POLR3G: variants seen among roughly 807,000 people sequenced by gnomAD.
The protein encoded by POLR3G is RNA polymerase III subunit G.
A neutral mutation model predicts 30.1 loss-of-function variants in POLR3G; 28 were observed. That is an observed-to-expected ratio of 0.93 (90% confidence interval 0.69 to 1.27). The LOEUF is 1.27. Ranked by LOEUF, POLR3G falls within the 50% of genes most tolerant of loss-of-function variation. The pLI, the probability that POLR3G is intolerant of heterozygous loss-of-function variation, is 0.00. For missense variants in POLR3G, 254 were observed against 264.6 expected (o/e 0.96, Z 0.28); for synonymous variants, 79 against 82.5 (o/e 0.96, Z 0.23).
At position 90,487,990 on chromosome 5, in the gene POLR3G, A is replaced by T. The variant is rs201272677; in HGVS notation, c.118-10A>T. On this transcript the variant is annotated splice_polypyrimidine_tract_variant and intron_variant, in intron 2 of 7. Transcript: ENST00000651687. The stretch of plus-strand genomic sequence containing the variant: ...ATTTGAAAAAAATCTTTGTCTCTTA[A>T]TTTAAACAGGATACAGATTATAAAC... 2.2e-4 allele frequency: 332 copies of T among 1,534,350 alleles called. 2 individuals are homozygous for T. The East Asian group carries it at 5.4e-3, about 25-fold the overall frequency.
At chr5:90,496,614 A>G (rs1051704967) in intron 4 of POLR3G, among the ~76,000 whole-genome samples, 1 of 152,236 alleles carries the variant, frequency 6.6e-6, no homozygotes, top group Non-Finnish European at 1.5e-5. Context: ...AAATAAAAAC[A>G]GTTGTCATAG....
intron 5 of POLR3G, 53 bp from the exon 6 acceptor site, chr5:90,501,853 T>C: frequency 6.3e-7 from 1 of 1,596,892 alleles, no homozygotes; most frequent in African/African-American, 1.4e-5. Context: ...CAAGGAAATA[T>C]AATACAGAGT....
At chr5:90,510,372 G>C (rs905270542) in intron 7 of POLR3G, among the ~76,000 whole-genome samples, 49 of 151,420 alleles carry the variant, frequency 3.2e-4, no homozygotes, top group African/African-American at 1.1e-3. Flanking sequence ...GAGTGAGACT[G>C]CGTCTCAAAG....
rs997914272 is a variant in POLR3G, at chr5:90,502,597, A to G, written c.438+609A>G. Among the ~76,000 whole-genome samples the G allele has an allele frequency of 6.6e-5, 10 of 152,100 alleles. 1 individual carries two copies. The highest frequency in any genetic ancestry group is 2.4e-4 in the African/African-American group (10 of 41,448). On this transcript the variant is annotated intron_variant, in intron 6 of 7. Transcript: ENST00000651687. ...AATTTTCCCTCCTATTCCTGTCCCT[A>G]GTCATCCAGTTCCCTTCCTATAGAC...
At chr5:90,503,791 TGTGA>T (rs1204193496) in intron 6 of POLR3G, among the ~76,000 whole-genome samples, 2 of 152,186 alleles carry the variant, frequency 1.3e-5, no homozygotes, top group Admixed American at 6.5e-5. Flanking sequence ...ATGATTAATG[TGTGA>T]GTAATTAGTG....
intron 1 of POLR3G, among the ~76,000 whole-genome samples, chr5:90,483,703 A>G (rs753929241): frequency 6.6e-6 from 1 of 152,096 alleles, no homozygotes; most frequent in African/African-American, 2.4e-5. Context: ...GGAGGCTGAG[A>G]CAGGAGAATT....
At chr5:90,478,569 C>CTTTTGTTTTTTTTTTTTTTTTTT (rs1750957772) in intron 1 of POLR3G, among the ~76,000 whole-genome samples, 1 of 79,334 alleles carries the variant, frequency 1.3e-5, no homozygotes, top group African/African-American at 5.1e-5. Flanking sequence ...CTGCGTGGTT[C>CTTTTGTTTTTTTTTTTTTTTTTT]TTTTTTTTTT....
At position 90,512,041 on chromosome 5, in the gene POLR3G, C is replaced by G; in HGVS notation, c.586-12C>G. Reference sequence around the variant, plus strand: ...TTTTAACGTTTACAAAGGAATATATCATTTCACTTAGGAAAATGACTACAT... The same window carrying G: ...TTTTAACGTTTACAAAGGAATATATGATTTCACTTAGGAAAATGACTACAT... On this transcript the variant is annotated splice_polypyrimidine_tract_variant and intron_variant, in intron 7 of 7. Coordinates refer to ENST00000651687, the MANE Select transcript of POLR3G (RefSeq NM_006467.3). The G allele has an allele frequency of 6.5e-7, 1 of 1,543,998 alleles. No homozygotes were observed. Among genetic ancestry groups the G allele is most frequent in the Non-Finnish European group, 9.0e-7 (1 of 1,116,940 alleles).
At chr5:90,480,893 C>T (rs1472292827) in intron 1 of POLR3G, among the ~76,000 whole-genome samples, 2 of 152,098 alleles carry the variant, frequency 1.3e-5, no homozygotes, top group East Asian at 3.8e-4. Flanking sequence ...TACGCTTTCT[C>T]TAGGCTCAGC....
intron 7 of POLR3G, among the ~76,000 whole-genome samples, chr5:90,508,730 T>A (rs1397787604): frequency 6.6e-6 from 1 of 152,148 alleles, no homozygotes; most frequent in Admixed American, 6.6e-5. Flanking sequence ...TCACTTAACT[T>A]TTTTGCAGCA....
chr5:90,476,281 T>C (rs566835842), intron 1 of POLR3G, among the ~76,000 whole-genome samples: 25 of 152,332 alleles, frequency 1.6e-4, no homozygotes, highest in Middle Eastern at 3.4e-3. Context: ...GCTTTCCTTA[T>C]GCACAAGTCG....
At chr5:90,483,260 T>C (rs981542033) in intron 1 of POLR3G, among the ~76,000 whole-genome samples, 1 of 152,166 alleles carries the variant, frequency 6.6e-6, no homozygotes, top group Non-Finnish European at 1.5e-5. Flanking sequence ...TCTTTCTGTA[T>C]TGCAATTCCC....
chr5:90,510,560 A>G (rs1752692135), intron 7 of POLR3G, among the ~76,000 whole-genome samples: 1 of 152,098 alleles, frequency 6.6e-6, no homozygotes, highest in African/African-American at 2.4e-5. Context: ...TTATTTCTAC[A>G]CAAGTGTTCT....
intron 3 of POLR3G, among the ~76,000 whole-genome samples, chr5:90,491,553 C>A (rs758860839): frequency 4.7e-5 from 7 of 149,242 alleles, no homozygotes; most frequent in Non-Finnish European, 8.9e-5. Flanking sequence ...TGGAGCAGTT[C>A]TTATTGTTTG....
At chr5:90,485,306 G>A (rs2151902515) in intron 1 of POLR3G, among the ~76,000 whole-genome samples, 1 of 152,306 alleles carries the variant, frequency 6.6e-6, no homozygotes, top group East Asian at 1.9e-4. Flanking sequence ...TGGGGCAGTA[G>A]TGGGTGAGGG....
chr5:90,477,407 C>A (rs938346269), intron 1 of POLR3G, among the ~76,000 whole-genome samples: 1 of 152,096 alleles, frequency 6.6e-6, no homozygotes, highest in Admixed American at 6.6e-5. Context: ...AAGGGAGAAT[C>A]CGGCCACAGG....
At chr5:90,508,711 GC>G (rs908423768) in intron 7 of POLR3G, among the ~76,000 whole-genome samples, 2 of 151,908 alleles carry the variant, frequency 1.3e-5, no homozygotes, top group African/African-American at 4.8e-5. Flanking sequence ...ACAAATTTTA[GC>G]CTTTATGTCA....
chr5:90,481,898 T>C (rs1244391719), intron 1 of POLR3G, among the ~76,000 whole-genome samples: 1 of 152,036 alleles, frequency 6.6e-6, no homozygotes, highest in Non-Finnish European at 1.5e-5. Context: ...TACTGAAGAG[T>C]TTAAAATAAT....
chr5:90,506,904 ATGAT>A (rs1421518009), intron 7 of POLR3G, among the ~76,000 whole-genome samples: 1 of 152,214 alleles, frequency 6.6e-6, no homozygotes, highest in African/African-American at 2.4e-5. Context: ...GGAAATAAAA[ATGAT>A]TGGCAACTTT....
Sources: allele counts gnomAD v4.1 joint callset (sites outside exome capture counted in the v4.1 genomes callset), GRCh38; gene constraint gnomAD v4.1.1; transcripts MANE v1.5; gene names NCBI Gene and HGNC (gene_info 2026-07-23, HGNC 2026-07-21).